SNRPN: variants seen among roughly 807,000 people sequenced by gnomAD.
The protein encoded by SNRPN is small nuclear ribonucleoprotein-associated protein N.
SNRPN carries 7 observed loss-of-function variants against 25.2 expected under a neutral mutation model. That is an observed-to-expected ratio of 0.28 (90% CI 0.16 to 0.52). The LOEUF (loss-of-function observed/expected upper bound fraction) is 0.52. SNRPN is among the 20% of genes least tolerant of loss of function. The pLI is 0.96. For synonymous variants in SNRPN, 124 were observed against 110.6 expected (o/e 1.12, Z -0.76); for missense variants, 196 against 322.5 (o/e 0.61, Z 3.00).
At chr15:24,848,225 C>CGGTGGCGGGGGCGGG (rs1566821336) in intron 2 of SNRPN, 1 of 33,236 alleles carries the variant, frequency 3.0e-5, no homozygotes, top group Non-Finnish European at 5.9e-5. Context: ...GGGGCGGGGG[C>CGGTGGCGGGGGCGGG]GGCGGTGGGG....
chr15:24,834,728 C>CCTCTCTCTCTCTCTCTCTCTCTCT lies in SNRPN; in HGVS notation c.-579+4824_-579+4847dup, dbSNP rs372713413. Among the ~76,000 whole-genome samples, 74 of 42,794 alleles carry CCTCTCTCTCTCTCTCTCTCTCTCT rather than the reference C, an allele frequency of 1.7e-3. 1 individual carries two copies. Among genetic ancestry groups the CCTCTCTCTCTCTCTCTCTCTCTCT allele is most frequent in the African/African-American group, 4.6e-3 (60 of 12,984 alleles). 28.1% of individuals were successfully genotyped at this position (42,794 alleles called of 152,430 possible). A position where few individuals can be genotyped will look rare whatever the true frequency, so the allele number is the denominator to read the frequency against. ...GAGTGAGACCTTGTCTCTCTCTCTCCCTCTCTCTCTCTCTCTCTCTCTCTA... is the reference window on the plus strand; with the variant it reads ...GAGTGAGACCTTGTCTCTCTCTCTCCCTCTCTCTCTCTCTCTCTCTCTCTCTCTCTCTCTCTCTCTCTCTCTCTA... On this transcript the variant is annotated intron_variant, in intron 2 of 12. Coordinates refer to the SNRPN transcript ENST00000400100.
At chr15:24,854,426 C>T (rs146873245), upstream of SNRPN, among the ~76,000 whole-genome samples, 424 of 152,246 alleles carry the variant, frequency 2.8e-3, 4 homozygotes, top group African/African-American at 9.3e-3. Flanking sequence ...AAATGGAGAA[C>T]GAATTAGATA....
intron 3 of SNRPN, among the ~76,000 whole-genome samples, chr15:24,946,907 T>C (rs1482611568): frequency 2.6e-5 from 4 of 152,220 alleles, no homozygotes; most frequent in Non-Finnish European, 5.9e-5. Flanking sequence ...TATGTGGTTG[T>C]ACAATAAATA....
intron 3 of SNRPN, chr15:24,921,252 G>A (rs1204258328): frequency 6.6e-6 from 1 of 152,168 alleles, no homozygotes; most frequent in East Asian, 1.9e-4. Flanking sequence ...TTGACATTAA[G>A]CAGGTGAGCA....
At chr15:24,921,732 A>G (rs2060031913) in intron 3 of SNRPN, among the ~76,000 whole-genome samples, 1 of 151,994 alleles carries the variant, frequency 6.6e-6, no homozygotes, top group African/African-American at 2.4e-5. Context: ...CTTCAGGCCA[A>G]CTCACTTGGC....
intron 2 of SNRPN, chr15:24,908,862 T>C (rs74591959): frequency 0.069 from 42,717 of 621,360 alleles, 1,751 homozygotes; most frequent in Non-Finnish European, 0.085. Context: ...TTTTTCTTTT[T>C]CTTTTTTTTT....
At chr15:24,965,869 A>ATATT (rs747251718) in intron 2 of SNRPN, among the ~76,000 whole-genome samples, 12 of 146,254 alleles carry the variant, frequency 8.2e-5, no homozygotes, top group Non-Finnish European at 1.8e-4. Flanking sequence ...AACATTATAT[A>ATATT]TATTTTTTTT....
intron 3 of SNRPN, among the ~76,000 whole-genome samples, chr15:24,923,666 T>C (rs1303268999): frequency 1.3e-5 from 2 of 152,164 alleles, no homozygotes; most frequent in Non-Finnish European, 2.9e-5. Flanking sequence ...AAAACCTTGA[T>C]GAATTTTATA....
rs1479432864 is a variant in SNRPN at position 24,929,968 on chromosome 15, A to C, written c.-391+9844A>C. 6.6e-6 allele frequency among the ~76,000 whole-genome samples: 1 copy of C among 151,914 alleles called. No individual in the cohort carries two copies. Among genetic ancestry groups the C allele is most frequent in the Non-Finnish European group, 1.5e-5 (1 of 67,984 alleles). On this transcript the variant is annotated intron_variant, in intron 3 of 11. Coordinates refer to the SNRPN transcript ENST00000400097. The surrounding 1 kb of genome is among the most constrained non-coding windows in gnomAD (Gnocchi z 5.3). Reference sequence around the variant, plus strand: ...TTTGGGAGGCCAAGGCGGGTGGATCACGAGGTCAGGAGATCAAGACCCTCC... The same window carrying C: ...TTTGGGAGGCCAAGGCGGGTGGATCCCGAGGTCAGGAGATCAAGACCCTCC...
In SNRPN at chr15:24,863,505, C is replaced by T. The variant is rs144382880; in HGVS notation, c.-579+6789C>T. Among the ~76,000 whole-genome samples, 98 of 150,622 alleles carry T rather than the reference C, an allele frequency of 6.5e-4. 11 individuals carry two copies. Among genetic ancestry groups the T allele is most frequent in the Middle Eastern group, 3.4e-3 (1 of 292 alleles). ...TCCTCTCGGTGTGCTGACATTCTTA[C>T]AAAATCCTCATGAATTTCTCATTGT... On this transcript the variant is annotated intron_variant, in intron 1 of 11. Transcript: ENST00000400097.
intron 4 of SNRPN, 103 bp from the exon 5 acceptor site, chr15:24,975,255 G>A: frequency 1.1e-6 from 1 of 895,292 alleles, no homozygotes; most frequent in Non-Finnish European, 1.7e-6. Flanking sequence ...GTTTAGTTAA[G>A]GAAACCAGGC....
intron 1 of SNRPN, among the ~76,000 whole-genome samples, chr15:24,873,538 C>G (rs1012837932): frequency 6.6e-6 from 1 of 150,600 alleles, no homozygotes; most frequent in South Asian, 2.1e-4. Flanking sequence ...AGCTCCGCCT[C>G]CCCGGTTCAC....
intron 2 of SNRPN, among the ~76,000 whole-genome samples, chr15:24,906,264 T>C (rs1595824367): frequency 1.3e-5 from 2 of 152,298 alleles, no homozygotes; most frequent in Middle Eastern, 6.8e-3. Flanking sequence ...TAGCTGGGAC[T>C]ACAGGTGGGT....
In SNRPN at chr15:24,955,056, G is replaced by C. The variant is rs1172109294; in HGVS notation, c.-397G>C. 1.2e-6 allele frequency: 2 copies of C among 1,613,322 alleles called. No homozygotes were observed. The highest frequency in any genetic ancestry group is 1.7e-6 in the Non-Finnish European group (2 of 1,180,036). On this transcript the variant is annotated 5_prime_UTR_variant, in exon 1 of 10. Transcript: ENST00000390687. ...GGAGCGGTCAGTGACGCGATGGAGCGGGCAAGGTCAGCTGTGCCGGTGGCT... is the reference window on the plus strand; with the variant it reads ...GGAGCGGTCAGTGACGCGATGGAGCCGGCAAGGTCAGCTGTGCCGGTGGCT...
rs952088734 is a variant in SNRPN, at chr15:24,976,737, G to A, written c.268-140G>A. The A allele has an allele frequency of 5.3e-6, 4 of 751,446 alleles. No individual in the cohort carries two copies. The African/African-American group carries it at 7.1e-5, about 13-fold the overall frequency. The allele number at this position is 751,446 out of a possible 1,614,324, so 46.5% of individuals were successfully genotyped here. On this transcript the variant is annotated intron_variant, in intron 6 of 9. Coordinates refer to ENST00000390687, the MANE Select transcript of SNRPN (RefSeq NM_003097.6). ...CACAAGATACCTCCATGGTATACTT[G>A]CTTGTTTGTTCATTTGGACACAGAA...
chr15:24,960,414 C>A lies in SNRPN; in HGVS notation c.-390-1700C>A, dbSNP rs113260578. ...GTGTGCCAGTGGCATGATCTCAGGT[C>A]ACTGCAACCTCTGCCTCCTAGGCTC... On this transcript the variant is annotated intron_variant, in intron 1 of 9. Transcript: ENST00000390687. Among the ~76,000 whole-genome samples, 606 of 152,096 alleles carry A rather than the reference C, an allele frequency of 4.0e-3. 6 individuals are homozygous for A. The highest frequency in any genetic ancestry group is 0.014 in the African/African-American group (562 of 41,506).
chr15:24,877,124 G>A (rs1422260942), intron 1 of SNRPN, among the ~76,000 whole-genome samples: 1 of 152,138 alleles, frequency 6.6e-6, no homozygotes, highest in East Asian at 1.9e-4. Context: ...AAGTATGGGT[G>A]GGGAAAATGT....
chr15:24,930,590 C>CAAAAAAAA (rs67708507), intron 3 of SNRPN, among the ~76,000 whole-genome samples: 69 of 98,294 alleles, frequency 7.0e-4, no homozygotes, highest in Middle Eastern at 9.3e-3. Flanking sequence ...TACAAAAATA[C>CAAAAAAAA]AAAAAAAAAA....
chr15:24,962,012 A>G (rs959624711), intron 1 of SNRPN, 102 bp from the exon 2 acceptor site: 1 of 1,015,532 alleles, frequency 9.8e-7, no homozygotes, highest in African/African-American at 1.6e-5. Flanking sequence ...TTAGATTTAA[A>G]AATCCATTAT....
Sources: gnomAD v4.1 joint callset for allele counts (sites outside exome capture counted in the v4.1 genomes callset) on GRCh38, gnomAD v4.1.1 for gene constraint, Gnocchi (gnomAD v3.1) non-coding constraint, MANE v1.5 for transcripts, NCBI Gene and HGNC (gene_info 2026-07-23, HGNC 2026-07-21) for gene names.